MARK4: variants seen among roughly 807,000 people sequenced by gnomAD.
MARK4 encodes the protein MAP/microtubule affinity-regulating kinase 4.
MARK4 carries 19 observed loss-of-function variants against 81.5 expected under a neutral mutation model. The observed-to-expected ratio is 0.23, with a 90% CI of 0.16 to 0.34. MARK4 has a LOEUF of 0.34. Ranked by LOEUF, MARK4 falls within the 10% of genes least tolerant of loss-of-function variation. The pLI, the probability that MARK4 is intolerant of heterozygous loss-of-function variation, is 1.00. For synonymous variants in MARK4, 436 were observed against 439.0 expected, an observed-to-expected ratio of 0.99 and a Z score of 0.08; for missense variants, 772 against 1,058.8, an observed-to-expected ratio of 0.73 and a Z score of 3.76.
At chr19:45,252,064 C>T (rs1028694438) in intron 1 of MARK4, among the ~76,000 whole-genome samples, 6 of 152,090 alleles carry the variant, frequency 3.9e-5, no homozygotes, top group African/African-American at 1.4e-4. Context: ...GGGCCTGGCC[C>T]AGTCCTGCCT....
At chr19:45,257,781 C>G (rs987241504) in intron 1 of MARK4, among the ~76,000 whole-genome samples, 1 of 151,568 alleles carries the variant, frequency 6.6e-6, no homozygotes, top group Non-Finnish European at 1.5e-5. Context: ...GCTCCACCTC[C>G]TGGGTTCATG....
chr19:45,302,780 G>C lies in MARK4; in HGVS notation c.*70G>C. 1 of 1,515,054 alleles carries C rather than the reference G, an allele frequency of 6.6e-7. No homozygotes were observed. Among genetic ancestry groups the C allele is most frequent in the South Asian group, 1.2e-5 (1 of 81,438 alleles). The allele number at this position is 1,515,054 out of a possible 1,614,324, so 93.9% of individuals were successfully genotyped here. On this transcript the variant is annotated 3_prime_UTR_variant, in exon 17 of 17. Coordinates refer to ENST00000262891, the MANE Select transcript of MARK4 (RefSeq NM_001199867.2). The surrounding 1 kb of genome is among the most constrained non-coding windows in gnomAD (Gnocchi z 4.9). ...CTTCACTTCTACAGGAGGGGAAGGG[G>C]CCAGGGAGGGGATTCTCCCTTTATC...
chr19:45,278,835 C>T (rs1266548705), intron 10 of MARK4, among the ~76,000 whole-genome samples: 1 of 152,160 alleles, frequency 6.6e-6, no homozygotes. Context: ...AAACTCCTGA[C>T]CTCAGGTGAT....
rs1032007289 is a variant in MARK4, at chr19:45,276,750, C to T, written c.787-1173C>T. ...AAGTGATTCTCCTGCCTCAGCCTCC[C>T]GCGTAGCTGGGATTACAGGGGTCTG... On this transcript the variant is annotated intron_variant, in intron 8 of 16. Coordinates refer to ENST00000262891, the MANE Select transcript of MARK4 (RefSeq NM_001199867.2). 8.6e-5 allele frequency among the ~76,000 whole-genome samples: 13 copies of T among 151,636 alleles called. No individual in the cohort carries two copies. In the East Asian group the frequency reaches 9.7e-4, roughly 11 times the overall value.
chr19:45,301,180 G>A (rs1970966517), intron 16 of MARK4, among the ~76,000 whole-genome samples: 1 of 152,184 alleles, frequency 6.6e-6, no homozygotes, highest in Non-Finnish European at 1.5e-5. Context: ...CAACTCAGGA[G>A]GCCAAGGCAG....
intron 16 of MARK4, among the ~76,000 whole-genome samples, chr19:45,301,395 C>G (rs1479624308): frequency 1.3e-5 from 2 of 151,802 alleles, no homozygotes; most frequent in Non-Finnish European, 2.9e-5. Context: ...GAGACTCCGT[C>G]TCTACTAAAA....
intron 7 of MARK4, among the ~76,000 whole-genome samples, chr19:45,270,296 G>A (rs1182592060): frequency 6.6e-6 from 1 of 152,178 alleles, no homozygotes; most frequent in Non-Finnish European, 1.5e-5. Flanking sequence ...CACAGCGAGT[G>A]AGTGGTGGAG....
rs995196500 is a variant in MARK4 at position 45,300,739 on chromosome 19, C to G, written c.1922+884C>G. Among the ~76,000 whole-genome samples the G allele has an allele frequency of 3.9e-5, 6 of 152,292 alleles. No homozygotes were observed. In the South Asian group the frequency reaches 1.2e-3, roughly 32 times the overall value. On this transcript the variant is annotated intron_variant, in intron 16 of 16. Coordinates refer to ENST00000262891, the MANE Select transcript of MARK4 (RefSeq NM_001199867.2). ...GAGCCTTCCCAGCAGCTGCAACAAA[C>G]TGCCAGGGCTGACTCTCATTGGTTG...
Position 45,280,455 on chromosome 19 carries a change from C to T in MARK4, c.1088C>T (p.Thr363Ile). The change falls in exon 11 of 17, where the codon ACC becomes ATC. Residue 363 changes from threonine to isoleucine, a missense_variant. Coordinates refer to ENST00000262891, the MANE Select transcript of MARK4 (RefSeq NM_001199867.2). ...CAGAAGTACAACGAAGTGACCGCCA[C>T]CTACCTCCTGCTGGGCAGGAAGACT... ...TSQKYNEVTATYLLLGRKTEE... is the reference protein window; with the variant it reads ...TSQKYNEVTAIYLLLGRKTEE... 2 of 1,614,214 alleles carry T rather than the reference C, an allele frequency of 1.2e-6. No homozygotes were observed.
chr19:45,287,686 G>A (rs748139255), intron 13 of MARK4, 22 bp downstream of exon 13: 1 of 1,597,534 alleles, frequency 6.3e-7, no homozygotes, highest in East Asian at 2.3e-5. Flanking sequence ...GGGCTGGGGG[G>A]CAGGGCTGGG....
Position 45,287,613 on chromosome 19 carries a change from C to T in MARK4, c.1443C>T (p.Asn481=), listed in dbSNP as rs775665368. The T allele has an allele frequency of 1.4e-5, 23 of 1,596,674 alleles. No homozygotes were observed. The highest frequency in any genetic ancestry group is 1.9e-5 in the Non-Finnish European group (22 of 1,167,892). The change falls in exon 13 of 17, where the codon AAC becomes AAT. Residue 481 remains asparagine, a synonymous_variant. Transcript: ENST00000262891. ...GCCCCATGGTCAGCAGCGCCCACAA[C>T]CCCAACAAGGCAGAGATCCCAGAGC... ...PSSPMVSSAH[N]PNKAEIPERR...
intron 13 of MARK4, among the ~76,000 whole-genome samples, chr19:45,293,243 G>A (rs1970841663): frequency 6.6e-6 from 1 of 152,140 alleles, no homozygotes; most frequent in South Asian, 2.1e-4. Flanking sequence ...TCCAGCCTGG[G>A]CAAAATGAGT....
Position 45,298,461 on chromosome 19 carries a change from G to A in MARK4, c.1877+507G>A, listed in dbSNP as rs1970922376. On this transcript the variant is annotated intron_variant, in intron 15 of 16. Transcript: ENST00000262891. ...TCTCTGGGCCTGGTTTTCCTCTTCT[G>A]TAAAATGGGTATAGTAATAACAATA... Among the ~76,000 whole-genome samples, 3 of 152,178 alleles carry A rather than the reference G, an allele frequency of 2.0e-5. No homozygotes were observed. In the South Asian group the frequency reaches 6.2e-4, roughly 31 times the overall value.
In MARK4 at chr19:45,262,062, A is replaced by G. The variant is rs560142318; in HGVS notation, c.253-1051A>G. On this transcript the variant is annotated intron_variant, in intron 2 of 16. Coordinates refer to ENST00000262891, the MANE Select transcript of MARK4 (RefSeq NM_001199867.2). ...TAAGAGGTAGATTCCATCAGGCTGC[A>G]TAAGTTCAAATCTGGGCCACAACTT... Among the ~76,000 whole-genome samples the G allele has an allele frequency of 2.7e-4, 41 of 152,310 alleles. 2 individuals carry two copies. The South Asian group carries it at 6.2e-3, about 23-fold the overall frequency.
At chr19:45,267,210 C>T (rs1970467173) in intron 7 of MARK4, among the ~76,000 whole-genome samples, 1 of 152,138 alleles carries the variant, frequency 6.6e-6, no homozygotes, top group Non-Finnish European at 1.5e-5. Flanking sequence ...AGGCACCTGT[C>T]ACCATGCCCA....
intron 15 of MARK4, among the ~76,000 whole-genome samples, chr19:45,299,233 G>C (rs924955307): frequency 1.3e-5 from 2 of 151,992 alleles, no homozygotes; most frequent in African/African-American, 4.8e-5. Context: ...GACCAGCCTG[G>C]GCAATGTGGC....
intron 12 of MARK4, among the ~76,000 whole-genome samples, chr19:45,281,602 A>AC (rs1480725197): frequency 6.6e-6 from 1 of 150,646 alleles, no homozygotes; most frequent in African/African-American, 2.5e-5. Context: ...CTCATGATCC[A>AC]CCCACCTCAG....
At chr19:45,284,567 C>T (rs1015308690) in intron 12 of MARK4, among the ~76,000 whole-genome samples, 1 of 151,834 alleles carries the variant, frequency 6.6e-6, no homozygotes, top group Non-Finnish European at 1.5e-5. Flanking sequence ...CATGATCCAC[C>T]TGCTTTGGCT....
At chr19:45,281,661 C>A (rs1461720146) in intron 12 of MARK4, among the ~76,000 whole-genome samples, 1 of 152,084 alleles carries the variant, frequency 6.6e-6, no homozygotes, top group Admixed American at 6.6e-5. Flanking sequence ...ACCCAGCCCC[C>A]AATTTCTTAC....
Sources: gnomAD v4.1 joint callset for allele counts (sites outside exome capture counted in the v4.1 genomes callset) on GRCh38, gnomAD v4.1.1 for gene constraint, Gnocchi (gnomAD v3.1) non-coding constraint, MANE v1.5 for transcripts, NCBI Gene and HGNC (gene_info 2026-07-23, HGNC 2026-07-21) for gene names.